FARP1: variants seen among roughly 807,000 people sequenced by gnomAD.
The protein encoded by FARP1 is FERM, ARHGEF and pleckstrin domain-containing protein 1.
In FARP1, 52 loss-of-function variants were observed where a neutral mutation model predicts 128.8. The ratio of observed to expected loss-of-function variants is 0.40; its 90% CI spans 0.32 to 0.51. FARP1 has a LOEUF of 0.51. FARP1 is among the 20% of genes least tolerant of loss of function. The probability of loss-of-function intolerance (pLI) is 0.45; values close to 1 mark genes in which losing one functional copy is unlikely to be tolerated. For synonymous variants in FARP1, 580 were observed against 551.8 expected, an observed-to-expected ratio of 1.05 and a Z score of -0.72; for missense variants, 1,333 against 1,367.9, an observed-to-expected ratio of 0.97 and a Z score of 0.40.
intron 13 of FARP1, 106 bp downstream of exon 13, chr13:98,395,582 C>G (rs968156524): frequency 7.4e-6 from 10 of 1,349,092 alleles, no homozygotes; most frequent in Non-Finnish European, 1.0e-5. Context: ...GCGTCCCGAT[C>G]CCGGTCCCGA....
intron 2 of FARP1, among the ~76,000 whole-genome samples, chr13:98,231,480 C>A (rs915865409): frequency 3.9e-5 from 6 of 152,052 alleles, no homozygotes; most frequent in Non-Finnish European, 8.8e-5. Context: ...CTCTACTGCC[C>A]AAGCTGGAGT....
At chr13:98,361,174 C>T (rs1315795321) in intron 3 of FARP1, among the ~76,000 whole-genome samples, 2 of 152,206 alleles carry the variant, frequency 1.3e-5, no homozygotes, top group African/African-American at 4.8e-5. Context: ...CCCAGACCTT[C>T]TCCCTCAGCT....
chr13:98,418,117 A>G (rs1362565585), intron 16 of FARP1, among the ~76,000 whole-genome samples: 3 of 152,166 alleles, frequency 2.0e-5, no homozygotes, highest in Admixed American at 6.5e-5. Context: ...TGGTATGATC[A>G]TAGATAACTT....
At chr13:98,175,845 A>T (rs1241186710) in intron 1 of FARP1, 2 of 314,982 alleles carry the variant, frequency 6.3e-6, no homozygotes, top group Non-Finnish European at 1.2e-5. Context: ...TTCTAGTTGT[A>T]GCATGTGATC....
rs1350341213 is a variant in FARP1, at chr13:98,439,127, C to T, written c.2364C>T (p.Tyr788=). Residue 788 remains tyrosine, a synonymous_variant, in exon 21 of 27, where the codon TAC becomes TAT. Coordinates refer to ENST00000319562, the MANE Select transcript of FARP1 (RefSeq NM_005766.4). The stretch of plus-strand genomic sequence containing the variant: ...TCCAGTTCAACGACGTCCTGCTATA[C>T]ACGAGCCGGGGGCTGACGGCCTCCA... ...MFFLFNDVLL[Y]TSRGLTASNQ... 2 of 1,613,856 alleles carry T rather than the reference C, an allele frequency of 1.2e-6. No homozygotes were observed. Among genetic ancestry groups the T allele is most frequent in the African/African-American group, 2.7e-5 (2 of 75,056 alleles).
intron 3 of FARP1, among the ~76,000 whole-genome samples, chr13:98,346,108 A>AT (rs1295711974): frequency 6.6e-6 from 1 of 151,858 alleles, no homozygotes; most frequent in Non-Finnish European, 1.5e-5. Context: ...CTCAGTCATC[A>AT]TCTTGTTCTG....
chr13:98,247,632 G>A (rs1307377173), intron 2 of FARP1, among the ~76,000 whole-genome samples: 1 of 152,220 alleles, frequency 6.6e-6, no homozygotes, highest in African/African-American at 2.4e-5. Flanking sequence ...TCCAGGGCAG[G>A]GGAGGAACCT....
At chr13:98,153,325 A>AT (rs1260808786) in intron 1 of FARP1, among the ~76,000 whole-genome samples, 10 of 10,702 alleles carry the variant, frequency 9.3e-4, no homozygotes, top group East Asian at 0.011. Context: ...ATATATAAAT[A>AT]ATATAATATA....
At chr13:98,414,638 T>A (rs1371639566) in intron 16 of FARP1, among the ~76,000 whole-genome samples, 3 of 152,148 alleles carry the variant, frequency 2.0e-5, no homozygotes, top group African/African-American at 4.8e-5. Flanking sequence ...ACCAATGCAT[T>A]CGTAGGTTCT....
chr13:98,147,853 A>C (rs1875687114), intron 1 of FARP1, among the ~76,000 whole-genome samples: 1 of 151,804 alleles, frequency 6.6e-6, no homozygotes, highest in South Asian at 2.1e-4. Flanking sequence ...TTTCTTAGAG[A>C]GTCTCACCGC....
At chr13:98,185,653 T>C (rs1219768421) in intron 1 of FARP1, among the ~76,000 whole-genome samples, 2 of 152,130 alleles carry the variant, frequency 1.3e-5, no homozygotes, top group African/African-American at 4.8e-5. Flanking sequence ...TTAGTTTTTT[T>C]TTTTTTTGGC....
At chr13:98,376,883 C>CAGTG (rs1187237420) in intron 5 of FARP1, among the ~76,000 whole-genome samples, 2 of 150,370 alleles carry the variant, frequency 1.3e-5, no homozygotes, top group African/African-American at 4.9e-5. Flanking sequence ...CTCTGATGAT[C>CAGTG]AGTGATGTTG....
chr13:98,205,881 C>T (rs1880235000), intron 1 of FARP1, among the ~76,000 whole-genome samples: 1 of 152,156 alleles, frequency 6.6e-6, no homozygotes, highest in Non-Finnish European at 1.5e-5. Context: ...CTAATGTCTT[C>T]CCATAGCTTC....
At chr13:98,277,824 G>C (rs1884730757) in intron 2 of FARP1, among the ~76,000 whole-genome samples, 1 of 152,184 alleles carries the variant, frequency 6.6e-6, no homozygotes, top group Admixed American at 6.5e-5. Context: ...GGAAAACATG[G>C]ATGCTCAACT....
At chr13:98,373,213 G>T (rs1209520805) in intron 5 of FARP1, among the ~76,000 whole-genome samples, 1 of 152,138 alleles carries the variant, frequency 6.6e-6, no homozygotes, top group East Asian at 1.9e-4. Flanking sequence ...AAGGTCCCCA[G>T]AGCCTGCCAG....
rs1184376339 is a variant in FARP1, at chr13:98,393,803, G to A, written c.1164+85G>A. 15 of 993,968 alleles carry A rather than the reference G, an allele frequency of 1.5e-5. No homozygotes were observed. In the Admixed American group the frequency reaches 2.7e-4, roughly 18 times the overall value. 61.6% of individuals were successfully genotyped at this position (993,968 alleles called of 1,614,324 possible). A position where few individuals can be genotyped will look rare whatever the true frequency, so the allele number is the denominator to read the frequency against. On this transcript the variant is annotated intron_variant, in intron 12 of 26. Transcript: ENST00000319562. Reference sequence around the variant, plus strand: ...CCTGGGCTTCAGAGCGGGCTTTCTTGTTCTCTGTCCTTTCCTTTGGGGTTT... The same window carrying A: ...CCTGGGCTTCAGAGCGGGCTTTCTTATTCTCTGTCCTTTCCTTTGGGGTTT...
rs558395452 is a variant in FARP1, at chr13:98,313,319, C to CAT, written c.172-30442_172-30441insTA. The stretch of plus-strand genomic sequence containing the variant: ...TAATCCTCCCCTTCCCCCAAACACA[C>CAT]ACACACACACACACACACACCTGCA... On this transcript the variant is annotated intron_variant, in intron 2 of 26. Coordinates refer to ENST00000319562, the MANE Select transcript of FARP1 (RefSeq NM_005766.4). Among the ~76,000 whole-genome samples, 605 of 151,268 alleles carry CAT rather than the reference C, an allele frequency of 4.0e-3. 10 individuals are homozygous for CAT. Among genetic ancestry groups the CAT allele is most frequent in the African/African-American group, 0.014 (572 of 41,208 alleles).
chr13:98,273,382 T>G (rs1024509687), intron 2 of FARP1, among the ~76,000 whole-genome samples: 5 of 152,198 alleles, frequency 3.3e-5, no homozygotes, highest in African/African-American at 1.2e-4. Context: ...TTTGCGAATC[T>G]TATGATCTCT....
At chr13:98,426,169 TA>T (rs1406453349) in intron 17 of FARP1, among the ~76,000 whole-genome samples, 1 of 152,176 alleles carries the variant, frequency 6.6e-6, no homozygotes, top group African/African-American at 2.4e-5. Context: ...CTAAGTGGGT[TA>T]GCATTTAGTT....
Sources: allele counts gnomAD v4.1 joint callset (sites outside exome capture counted in the v4.1 genomes callset), GRCh38; gene constraint gnomAD v4.1.1; transcripts MANE v1.5; gene names NCBI Gene and HGNC (gene_info 2026-07-23, HGNC 2026-07-21).